Variants in RSBN1 observed in about 807,000 individuals in gnomAD.
RSBN1 encodes the protein lysine-specific demethylase 9.
A neutral mutation model predicts 74.8 loss-of-function variants in RSBN1; 23 were observed. The ratio of observed to expected loss-of-function variants is 0.31; its 90% confidence interval spans 0.22 to 0.44. The LOEUF (loss-of-function observed/expected upper bound fraction) is 0.44. Among genes scored for constraint, RSBN1 ranks in the 20% least tolerant of loss-of-function variants. RSBN1 has a pLI of 1.00. For missense variants in RSBN1, 808 were observed against 1,020.9 expected (o/e 0.79, Z 2.84); for synonymous variants, 407 against 379.6 (o/e 1.07, Z -0.84).
chr1:113,788,021 T>C (rs189866351), intron 2 of RSBN1, among the ~76,000 whole-genome samples: 61 of 152,150 alleles, frequency 4.0e-4, no homozygotes, highest in African/African-American at 1.4e-3. Flanking sequence ...AAAACAAGTA[T>C]AATTAGTATC....
chr1:113,763,125 G>GCATA lies in RSBN1; in HGVS notation c.*2851_*2854dup, dbSNP rs2101785336. ...ACTTTGAATCATCATCCTACTCCTA[G>GCATA]CATATCTTGGTATAGAGAATTACTT... On this transcript the variant is annotated 3_prime_UTR_variant, in exon 7 of 7. Transcript: ENST00000261441. 1 of 152,722 alleles carries GCATA rather than the reference G, an allele frequency of 6.5e-6. No individual in the cohort carries two copies. The highest frequency in any genetic ancestry group is 1.9e-4 in the East Asian group (1 of 5,330). The allele number at this position is 152,722 out of a possible 1,614,324, so 9.5% of individuals were successfully genotyped here. A position where few individuals can be genotyped will look rare whatever the true frequency, so the allele number is the denominator to read the frequency against.
chr1:113,786,215 T>C (rs1206329357), intron 2 of RSBN1, among the ~76,000 whole-genome samples: 1 of 152,238 alleles, frequency 6.6e-6, no homozygotes, highest in Non-Finnish European at 1.5e-5. Flanking sequence ...TACCAGGTTC[T>C]GTACTTTGGA....
At chr1:113,766,486 A>C (rs1659784109) in intron 6 of RSBN1, 33 bp from the exon 7 acceptor site, 3 of 1,360,808 alleles carry the variant, frequency 2.2e-6, no homozygotes, top group Non-Finnish European at 3.1e-6. Context: ...TGAGACTTTA[A>C]AATATGTAAT....
chr1:113,797,717 C>T lies in RSBN1; in HGVS notation c.1023G>A (p.Gln341=), dbSNP rs1481956599. The T allele has an allele frequency of 6.2e-7, 1 of 1,613,920 alleles. No homozygotes were observed. Among genetic ancestry groups the T allele is most frequent in the Non-Finnish European group, 8.5e-7 (1 of 1,179,980 alleles). ...AGAAATTTCTACGAATAGAATGTTC[C>T]TGGTGAGTCATAAAAGGTGTTTGTA... ...QGVQTPFMTH[Q]EHSIRRNFLK... is the part of the protein sequence containing the mutation. The change falls in exon 2 of 7, where the codon CAG becomes CAA. Residue 341 remains glutamine, a synonymous_variant. Coordinates refer to ENST00000261441, the MANE Select transcript of RSBN1 (RefSeq NM_018364.5).
intron 4 of RSBN1, among the ~76,000 whole-genome samples, chr1:113,771,693 C>T (rs1659887171): frequency 6.7e-6 from 1 of 149,862 alleles, no homozygotes. Context: ...AAGTAATGTA[C>T]CTTAACTCTA....
At chr1:113,784,347 A>G (rs1402343716) in intron 2 of RSBN1, among the ~76,000 whole-genome samples, 1 of 152,196 alleles carries the variant, frequency 6.6e-6, no homozygotes, top group South Asian at 2.1e-4. Context: ...GGTATAGCCT[A>G]CTACACACCT....
intron 2 of RSBN1, among the ~76,000 whole-genome samples, chr1:113,793,554 AC>A (rs1315923320): frequency 1.3e-5 from 2 of 151,914 alleles, no homozygotes; most frequent in East Asian, 3.9e-4. Context: ...TCTCTTTTCC[AC>A]TGCTATTGCT....
chr1:113,798,048 A>G lies in RSBN1; in HGVS notation c.704-12T>C, dbSNP rs773308897. ...TTCATCTGGTGTTTCTGGCCACAAT[A>G]ATTAAAAAGAAGTTAGTTGCTAGGA... On this transcript the variant is annotated splice_polypyrimidine_tract_variant and intron_variant, in intron 1 of 6. Coordinates refer to ENST00000261441, the MANE Select transcript of RSBN1 (RefSeq NM_018364.5). The G allele has an allele frequency of 2.5e-6, 4 of 1,583,326 alleles. No individual in the cohort carries two copies. Among genetic ancestry groups the G allele is most frequent in the East Asian group, 4.5e-5 (2 of 44,716 alleles).
intron 1 of RSBN1, among the ~76,000 whole-genome samples, chr1:113,804,112 C>A (rs1280795707): frequency 6.6e-6 from 1 of 151,904 alleles, no homozygotes; most frequent in Non-Finnish European, 1.5e-5. Context: ...CTGGGCAACC[C>A]CGTCTCAGAA....
In RSBN1 at chr1:113,811,724, T is replaced by G; in HGVS notation, c.689A>C (p.Lys230Thr). ...CCTGCTCTCACCTCTCTTGGGGGCT[T>G]TGATCAGAGGCACCCCTCCAGTCCT... ...GERTGGVPLI[K>T]APKRETPDEN... is the part of the protein sequence containing the mutation. The change falls in exon 1 of 7, where the codon AAA (lysine) becomes ACA (threonine). Residue 230 changes from lysine to threonine, a missense_variant. Physicochemically the swap from Lys to Thr is moderately conservative, Grantham distance 78. This residue lies in a region of RSBN1 where 464 missense variants were observed against 401.0 expected (regional missense o/e 1.16). Transcript: ENST00000261441. The G allele has an allele frequency of 6.2e-7, 1 of 1,600,140 alleles. No homozygotes were observed. Among genetic ancestry groups the G allele is most frequent in the Non-Finnish European group, 8.5e-7 (1 of 1,171,732 alleles).
rs1446967257 is a variant in RSBN1 at position 113,812,173 on chromosome 1, G to A, written c.240C>T (p.Val80=). The change falls in exon 1 of 7, where the codon GTC becomes GTT. Residue 80 remains valine, a synonymous_variant. Transcript: ENST00000261441. ...GCTGCCGTTTAACTCCCCGCGGGGA[G>A]ACCCCAGCATGAGGTTTCTCCTTCC... ...KEGKEKPHAG[V]SPRGVKRQRR... 6.2e-7 allele frequency: 1 copy of A among 1,609,150 alleles called. No individual in the cohort carries two copies. Among genetic ancestry groups the A allele is most frequent in the South Asian group, 1.1e-5 (1 of 91,078 alleles).
chr1:113,806,800 A>C (rs941019784), intron 1 of RSBN1, among the ~76,000 whole-genome samples: 1 of 146,484 alleles, frequency 6.8e-6, no homozygotes, highest in East Asian at 2.0e-4. Flanking sequence ...CAGGAGTTTG[A>C]GACCAGCCTG....
chr1:113,783,602 C>T (rs1660179098), intron 2 of RSBN1, among the ~76,000 whole-genome samples: 1 of 152,202 alleles, frequency 6.6e-6, no homozygotes, highest in African/African-American at 2.4e-5. Flanking sequence ...TCCCTGACAG[C>T]TAAATGCGGC....
chr1:113,777,375 A>G (rs1003980317), intron 3 of RSBN1, 23 bp from the exon 4 acceptor site: 1 of 1,584,294 alleles, frequency 6.3e-7, no homozygotes, highest in Non-Finnish European at 8.6e-7. Context: ...CGGATTAGTC[A>G]CATTAAAAAA....
chr1:113,769,972 C>T (rs747941185), intron 4 of RSBN1, among the ~76,000 whole-genome samples: 1 of 152,190 alleles, frequency 6.6e-6, no homozygotes, highest in Non-Finnish European at 1.5e-5. Context: ...CATTCCTCCC[C>T]TTTAATTCCC....
chr1:113,766,142 C>T lies in RSBN1; in HGVS notation c.2247G>A (p.Glu749=). The change falls in exon 7 of 7, where the codon GAG becomes GAA. Residue 749 remains glutamate (E), a synonymous_variant. Coordinates refer to ENST00000261441, the MANE Select transcript of RSBN1 (RefSeq NM_018364.5). ...IKTESEEACT[E]IQLLTTASSS... ...ATGAAGCAGTTGTTAACAGCTGAATCTCTGTGCATGCTTCTTCAGATTCAG... is the reference window on the plus strand; with the variant it reads ...ATGAAGCAGTTGTTAACAGCTGAATTTCTGTGCATGCTTCTTCAGATTCAG... 6.2e-7 allele frequency: 1 copy of T among 1,614,048 alleles called. No homozygotes were observed. Among genetic ancestry groups the T allele is most frequent in the South Asian group, 1.1e-5 (1 of 91,088 alleles).
In RSBN1 at chr1:113,812,074, G is replaced by A; in HGVS notation, c.339C>T (p.His113=). ...PSQEPPLAPP[H]RRRRSRQHPG... ...GATGTTGGCGGCTGCGACGCCGCCG[G>A]TGAGGGGGAGCGAGAGGGGGCTCCT... The change falls in exon 1 of 7, where the codon CAC becomes CAT. Residue 113 remains histidine, a synonymous_variant. Transcript: ENST00000261441. The A allele has an allele frequency of 1.3e-6, 2 of 1,572,544 alleles. No individual in the cohort carries two copies. The highest frequency in any genetic ancestry group is 1.7e-6 in the Non-Finnish European group (2 of 1,161,494).
At chr1:113,798,360 T>G (rs1200934579) in intron 1 of RSBN1, among the ~76,000 whole-genome samples, 1 of 152,178 alleles carries the variant, frequency 6.6e-6, no homozygotes, top group East Asian at 1.9e-4. Context: ...CATTATACGA[T>G]AGCTAAATAT....
At chr1:113,798,159 A>C in intron 1 of RSBN1, 123 bp from the exon 2 acceptor site, 1 of 784,394 alleles carries the variant, frequency 1.3e-6, no homozygotes, top group Non-Finnish European at 2.0e-6. Flanking sequence ...ATTACAACTT[A>C]CGTGTTTAGA....
Sources: gnomAD v4.1 joint callset for allele counts (sites outside exome capture counted in the v4.1 genomes callset) on GRCh38, gnomAD v4.1.1 for gene constraint, gnomAD v4.1.1 regional missense constraint, MANE v1.5 for transcripts, NCBI Gene and HGNC (gene_info 2026-07-23, HGNC 2026-07-21) for gene names.